FLCN: variants seen among roughly 807,000 people sequenced by gnomAD.
The protein encoded by FLCN is folliculin.
FLCN carries 22 observed loss-of-function variants against 62.5 expected under a neutral mutation model. The observed-to-expected ratio is 0.35, with a 90% CI of 0.25 to 0.50. FLCN has a LOEUF of 0.50. Among genes scored for constraint, FLCN ranks in the 20% least tolerant of loss-of-function variants. The pLI is 0.97. For missense variants in FLCN, 657 were observed against 778.0 expected, an observed-to-expected ratio of 0.84 and a Z score of 1.85; for synonymous variants, 319 against 310.0, an observed-to-expected ratio of 1.03 and a Z score of -0.30.
chr17:17,230,875 AGAGT>A (rs1368843557), intron 3 of FLCN, among the ~76,000 whole-genome samples: 1 of 152,168 alleles, frequency 6.6e-6, no homozygotes, highest in African/African-American at 2.4e-5. Flanking sequence ...CCTGGGTGAC[AGAGT>A]GAGTGAGACT....
Position 17,224,096 on chromosome 17 carries a change from G to T in FLCN, c.444C>A (p.His148Gln). 3 of 1,611,186 alleles carry T rather than the reference G, an allele frequency of 1.9e-6. No homozygotes were observed. Among genetic ancestry groups the T allele is most frequent in the Non-Finnish European group, 2.5e-6 (3 of 1,178,806 alleles). The change falls in exon 6 of 14, where the codon CAC becomes CAA. Residue 148 changes from histidine to glutamine, a missense_variant. Physicochemically the swap from His to Gln is conservative, Grantham distance 24 (BLOSUM62 0). Transcript: ENST00000285071. The part of the protein sequence containing the change: ...EGPIFFGDEQ[H>Q]GFVFSHTFFI... Reference sequence around the variant, plus strand: ...AGAAGGTGTGGCTGAACACAAAGCCGTGCTGCTCATCTCCGAAGAAGATGG... The same window carrying T: ...AGAAGGTGTGGCTGAACACAAAGCCTTGCTGCTCATCTCCGAAGAAGATGG...
At chr17:17,226,358 G>C (rs1329123718) in intron 4 of FLCN, 36 bp from the exon 5 acceptor site, 3 of 1,613,652 alleles carry the variant, frequency 1.9e-6, no homozygotes, top group Non-Finnish European at 2.5e-6. Flanking sequence ...CTGTTAGTTG[G>C]GAAGCAGGGC....
chr17:17,229,659 T>G (rs1419177601), intron 3 of FLCN, among the ~76,000 whole-genome samples: 1 of 152,266 alleles, frequency 6.6e-6, no homozygotes, highest in African/African-American at 2.4e-5. Flanking sequence ...TGGCGCATTT[T>G]AGGTCATGTA....
At chr17:17,224,171 C>A (rs1297530164) in intron 5 of FLCN, 28 bp from the exon 6 acceptor site, 1 of 1,549,378 alleles carries the variant, frequency 6.5e-7, no homozygotes, top group Non-Finnish European at 8.7e-7. Flanking sequence ...ACTCAGACAG[C>A]CCTTTCCTCG....
Position 17,215,072 on chromosome 17 carries a change from T to C in FLCN, c.1451A>G (p.Asn484Ser), listed in dbSNP as rs1010980331. 2 of 1,614,066 alleles carry C rather than the reference T, an allele frequency of 1.2e-6. No individual in the cohort carries two copies. Among genetic ancestry groups the C allele is most frequent in the Non-Finnish European group, 8.5e-7 (1 of 1,180,004 alleles). Residue 484 changes from asparagine to serine, a missense_variant, in exon 13 of 14, where the codon AAT becomes AGT. Coordinates refer to ENST00000285071, the MANE Select transcript of FLCN (RefSeq NM_144997.7). The stretch of plus-strand genomic sequence containing the variant: ...GTTGGTCAGAGCCGCTTCAATCTTA[T>C]TCAGGATGGTGGGGCCCACTGGGGA... ...AADRVGPTIL[N>S]KIEAALTNQN...
At position 17,214,610 on chromosome 17, in the gene FLCN, T is replaced by G. The variant is rs559977783; in HGVS notation, c.1538+375A>C. ...ACTCTGACTCAAAAAAAATAAAAAA[T>G]AAAAATAAAATAAAATAAAAAGCGG... On this transcript the variant is annotated intron_variant, in intron 13 of 13. Coordinates refer to ENST00000285071, the MANE Select transcript of FLCN (RefSeq NM_144997.7). Among the ~76,000 whole-genome samples, 45 of 151,916 alleles carry G rather than the reference T, an allele frequency of 3.0e-4. No homozygotes were observed. In the Middle Eastern group the frequency reaches 0.01, roughly 34 times the overall value.
chr17:17,214,554 A>C (rs562429731), intron 13 of FLCN, among the ~76,000 whole-genome samples: 55 of 152,262 alleles, frequency 3.6e-4, no homozygotes, highest in African/African-American at 1.3e-3. Context: ...AGATCATGCC[A>C]TTGCACTCCA....
chr17:17,235,499 A>AGCTCTG (rs2047558323), intron 1 of FLCN: 1 of 152,226 alleles, frequency 6.6e-6, no homozygotes, highest in Non-Finnish European at 1.5e-5. Context: ...GTCAGACGAG[A>AGCTCTG]GCTCTGACTC....
rs1479261883 is a variant in FLCN at position 17,219,088 on chromosome 17, AGAG to A, written c.990_992del (p.Ser331del). On this transcript the variant is annotated inframe_deletion, in exon 9 of 14. Transcript: ENST00000285071. ...GCTGCCAGCTCCCACAGCCTGAGAG[AGAG>A]GAGGACTCTGCCGGGCCCTGGGTCA... 1 of 1,614,134 alleles carries A rather than the reference AGAG, an allele frequency of 6.2e-7. No individual in the cohort carries two copies. Among genetic ancestry groups the A allele is most frequent in the Non-Finnish European group, 8.5e-7 (1 of 1,180,020 alleles).
At chr17:17,236,506 C>T (rs1170843642) in intron 1 of FLCN, among the ~76,000 whole-genome samples, 2 of 152,208 alleles carry the variant, frequency 1.3e-5, no homozygotes, top group Admixed American at 6.5e-5. Flanking sequence ...CCAATCCATT[C>T]TTTCCAGGAG....
intron 7 of FLCN, 27 bp from the exon 8 acceptor site, chr17:17,221,655 C>T (rs1814573312): frequency 1.9e-6 from 3 of 1,600,992 alleles, no homozygotes; most frequent in African/African-American, 1.3e-5. Flanking sequence ...CAGCTATGAG[C>T]GTTCTCGCCA....
intron 3 of FLCN, among the ~76,000 whole-genome samples, chr17:17,230,281 AACACTTTGGGAGGCT>A (rs1327661791): frequency 6.6e-6 from 1 of 152,150 alleles, no homozygotes; most frequent in Non-Finnish European, 1.5e-5. Context: ...CTGTAATCCC[AACACTTTGGGAGGCT>A]GAGGCGGGTG....
In FLCN at chr17:17,215,099, AAGGGCAGGGGC is replaced by A. The variant is rs1380029891; in HGVS notation, c.1433-20_1433-10del. ...CAGGATGGTGGGGCCCACTGGGGAG[AAGGGCAGGGGC>A]AGAGCAAGGGCAGGCGTTAGCGCGG... is the stretch of plus-strand genomic sequence containing the variant. On this transcript the variant is annotated splice_polypyrimidine_tract_variant and intron_variant, in intron 12 of 13. Transcript: ENST00000285071. 6.2e-6 allele frequency: 10 copies of A among 1,613,664 alleles called. No individual in the cohort carries two copies. The African/African-American group carries it at 1.2e-4, about 19-fold the overall frequency.
chr17:17,223,100 CTTTT>C, intron 6 of FLCN: 1 of 256,368 alleles, frequency 3.9e-6, no homozygotes, highest in Non-Finnish European at 7.8e-6. Flanking sequence ...TTTTTCCTTT[CTTTT>C]TTTTTTTGAG....
intron 3 of FLCN, among the ~76,000 whole-genome samples, chr17:17,230,511 C>T (rs1567828672): frequency 6.6e-6 from 1 of 151,524 alleles, no homozygotes; most frequent in African/African-American, 2.4e-5. Flanking sequence ...GCCTGGGCAA[C>T]AAAGTGAGAC....
At chr17:17,229,292 G>C (rs557108066) in intron 3 of FLCN, 1 of 152,608 alleles carries the variant, frequency 6.6e-6, no homozygotes, top group South Asian at 2.1e-4. Flanking sequence ...TGAGGCCAGA[G>C]GGGAGCTCCA....
intron 3 of FLCN, among the ~76,000 whole-genome samples, chr17:17,229,962 G>A (rs2047371948): frequency 6.6e-6 from 1 of 152,220 alleles, no homozygotes; most frequent in Non-Finnish European, 1.5e-5. Flanking sequence ...TCATTGCAGA[G>A]GGATGGCCGC....
intron 8 of FLCN, 187 bp downstream of exon 8, chr17:17,221,350 G>T (rs371396942): frequency 4.4e-6 from 7 of 1,586,002 alleles, no homozygotes; most frequent in Non-Finnish European, 5.1e-6. Context: ...CAAGGCAAAC[G>T]AGACAGGAAA....
intron 7 of FLCN, among the ~76,000 whole-genome samples, chr17:17,222,222 A>C (rs1024588411): frequency 6.6e-6 from 1 of 152,160 alleles, no homozygotes; most frequent in African/African-American, 2.4e-5. Context: ...CTGTAATCCC[A>C]GCTACTTGGG....
Sources: allele counts gnomAD v4.1 joint callset (sites outside exome capture counted in the v4.1 genomes callset), GRCh38; gene constraint gnomAD v4.1.1; transcripts MANE v1.5; gene names NCBI Gene and HGNC (gene_info 2026-07-23, HGNC 2026-07-21).